The following PUS7 variants were observed in gnomAD, a reference collection of about 807,000 sequenced individuals.
PUS7 encodes the protein pseudouridylate synthase 7 homolog.
In PUS7, 48 loss-of-function variants were observed where a neutral mutation model predicts 79.8. That is an observed-to-expected ratio of 0.60 (90% confidence interval 0.48 to 0.76). The LOEUF (loss-of-function observed/expected upper bound fraction) is 0.76. Ranked by LOEUF, PUS7 falls within the 30% of genes least tolerant of loss-of-function variation. The probability of loss-of-function intolerance (pLI) is 0.00; values close to 1 mark genes in which losing one functional copy is unlikely to be tolerated. For synonymous variants in PUS7, 286 were observed against 272.2 expected (o/e 1.05, Z -0.50); for missense variants, 729 against 797.6 (o/e 0.91, Z 1.04).
intron 11 of PUS7, 98 bp downstream of exon 11, chr7:105,470,590 C>G (rs1257639570): frequency 7.4e-7 from 1 of 1,348,548 alleles, no homozygotes; most frequent in African/African-American, 1.5e-5. Flanking sequence ...CCTTATTTAC[C>G]TTCTGCTCTT....
chr7:105,493,204 T>A (rs2133184018), intron 6 of PUS7, among the ~76,000 whole-genome samples: 3 of 152,304 alleles, frequency 2.0e-5, no homozygotes, highest in East Asian at 3.9e-4. Flanking sequence ...TATTAAAAAA[T>A]GAAAAAAGCC....
chr7:105,488,873 G>A (rs1824661927), intron 7 of PUS7, among the ~76,000 whole-genome samples: 1 of 152,146 alleles, frequency 6.6e-6, no homozygotes, highest in Non-Finnish European at 1.5e-5. Flanking sequence ...AATAGGCAGA[G>A]CCCAGTGGCT....
At chr7:105,483,221 G>T (rs186739798) in intron 7 of PUS7, among the ~76,000 whole-genome samples, 1 of 151,454 alleles carries the variant, frequency 6.6e-6, no homozygotes, top group Admixed American at 6.6e-5. Flanking sequence ...CCAGACTGGA[G>T]TGCAGTGGCA....
intron 7 of PUS7, among the ~76,000 whole-genome samples, chr7:105,486,744 T>C (rs973626131): frequency 1.3e-5 from 2 of 151,952 alleles, no homozygotes; most frequent in East Asian, 3.9e-4. Flanking sequence ...TTTTTTTAAG[T>C]TGAGATAAAG....
At chr7:105,468,126 T>A (rs1443464293) in intron 12 of PUS7, among the ~76,000 whole-genome samples, 1 of 152,024 alleles carries the variant, frequency 6.6e-6, no homozygotes, top group Non-Finnish European at 1.5e-5. Flanking sequence ...AGAAACAGGG[T>A]TTCTTCATAT....
At chr7:105,509,583 G>C (rs2133263055) in intron 1 of PUS7, among the ~76,000 whole-genome samples, 1 of 151,958 alleles carries the variant, frequency 6.6e-6, no homozygotes, top group East Asian at 1.9e-4. Flanking sequence ...CAATCCTCCT[G>C]CCTCAGCCTC....
At chr7:105,487,271 G>A (rs200847657) in intron 7 of PUS7, among the ~76,000 whole-genome samples, 2 of 151,966 alleles carry the variant, frequency 1.3e-5, no homozygotes, top group Non-Finnish European at 2.9e-5. Flanking sequence ...TGCAGACCTC[G>A]GCAACCATTA....
chr7:105,494,898 C>A (rs1824942591), intron 6 of PUS7, among the ~76,000 whole-genome samples: 1 of 150,854 alleles, frequency 6.6e-6, no homozygotes, highest in African/African-American at 2.4e-5. Context: ...AATGCCTGAG[C>A]CCAGGAAGTC....
chr7:105,520,750 G>A (rs1184498155), intron 1 of PUS7, among the ~76,000 whole-genome samples: 1 of 151,736 alleles, frequency 6.6e-6, no homozygotes, highest in Non-Finnish European at 1.5e-5. Context: ...ACAAAGATAT[G>A]TTCAAGGCCG....
chr7:105,493,739 C>T (rs1031363095), intron 6 of PUS7, among the ~76,000 whole-genome samples: 4 of 152,118 alleles, frequency 2.6e-5, no homozygotes, highest in Admixed American at 2.0e-4. Flanking sequence ...AGGGAAAATG[C>T]CACATGAAGA....
At chr7:105,514,679 C>A (rs1305467067) in intron 1 of PUS7, among the ~76,000 whole-genome samples, 2 of 152,146 alleles carry the variant, frequency 1.3e-5, no homozygotes, top group African/African-American at 2.4e-5. Context: ...ACTTTTTAAG[C>A]CTTGAGAGAG....
In PUS7 at chr7:105,486,334, T is replaced by C. The variant is rs529633520; in HGVS notation, c.921-3894A>G. On this transcript the variant is annotated intron_variant, in intron 7 of 15. Transcript: ENST00000469408. ...TCCCAAAGTGCTGGGATTACAGGCG[T>C]GAGCCACCGCACCCAGCTGTACATA... Among the ~76,000 whole-genome samples the C allele has an allele frequency of 3.0e-3, 462 of 152,318 alleles. 2 individuals carry two copies. Among genetic ancestry groups the C allele is most frequent in the African/African-American group, 0.011 (442 of 41,580 alleles).
intron 7 of PUS7, among the ~76,000 whole-genome samples, chr7:105,483,506 C>T (rs1824415928): frequency 6.6e-6 from 1 of 152,058 alleles, no homozygotes; most frequent in African/African-American, 2.4e-5. Context: ...ACCATGTTGG[C>T]CAGGCTGGTC....
intron 9 of PUS7, among the ~76,000 whole-genome samples, chr7:105,477,598 C>T (rs1824165288): frequency 6.6e-6 from 1 of 152,000 alleles, no homozygotes; most frequent in East Asian, 1.9e-4. Context: ...CAATAATTCA[C>T]ATAACATATA....
chr7:105,475,713 T>C (rs1367341454), intron 9 of PUS7, among the ~76,000 whole-genome samples: 2 of 152,184 alleles, frequency 1.3e-5, no homozygotes, highest in East Asian at 3.8e-4. Flanking sequence ...TTTACCTTTT[T>C]GGCTATTTTT....
At chr7:105,465,952 G>A (rs1454718227) in intron 12 of PUS7, among the ~76,000 whole-genome samples, 1 of 152,166 alleles carries the variant, frequency 6.6e-6, no homozygotes, top group Non-Finnish European at 1.5e-5. Context: ...GAGCCCAGGA[G>A]TTCCAGAGCA....
chr7:105,507,987 T>C, intron 2 of PUS7, 128 bp downstream of exon 2: 1 of 1,251,044 alleles, frequency 8.0e-7, no homozygotes, highest in South Asian at 1.9e-5. Context: ...CTTCATCCTA[T>C]TCCTTTTGAT....
At position 105,510,838 on chromosome 7, in the gene PUS7, A is replaced by C. The variant is rs16875412; in HGVS notation, c.-32-2294T>G. Among the ~76,000 whole-genome samples the C allele has an allele frequency of 4.3e-3, 651 of 152,138 alleles. 2 individuals carry two copies. The highest frequency in any genetic ancestry group is 5.7e-3 in the Non-Finnish European group (388 of 67,992). ...TCTAATTTGATGCTCTTGGTAAAAT[A>C]AGGATAAAAACTTTTTCTATGTTAA... On this transcript the variant is annotated intron_variant, in intron 1 of 15. Coordinates refer to ENST00000469408, the MANE Select transcript of PUS7 (RefSeq NM_019042.5).
At chr7:105,505,795 G>T (rs1169707343) in intron 4 of PUS7, among the ~76,000 whole-genome samples, 160 bp downstream of exon 4, 1 of 152,052 alleles carries the variant, frequency 6.6e-6, no homozygotes, top group Non-Finnish European at 1.5e-5. Flanking sequence ...CTAGTTATCT[G>T]CCCCAGTAAA....
Sources: gnomAD v4.1 joint callset for allele counts (sites outside exome capture counted in the v4.1 genomes callset) on GRCh38, gnomAD v4.1.1 for gene constraint, MANE v1.5 for transcripts, NCBI Gene and HGNC (gene_info 2026-07-23, HGNC 2026-07-21) for gene names.